The following PCDHA6 variants were observed in gnomAD, a reference collection of about 807,000 sequenced individuals.
PCDHA6 encodes the protein protocadherin alpha-6.
Under a neutral mutation model 60.3 loss-of-function variants are expected in PCDHA6, and 55 were observed. That is an observed-to-expected ratio of 0.91 (90% confidence interval 0.73 to 1.14). The LOEUF (loss-of-function observed/expected upper bound fraction) is 1.14. Ranked by LOEUF, PCDHA6 falls within the 50% of genes most tolerant of loss-of-function variation. The pLI is 0.00. For missense variants in PCDHA6, 1,327 were observed against 1,256.5 expected, an observed-to-expected ratio of 1.06 and a Z score of -0.85; for synonymous variants, 652 against 557.9, an observed-to-expected ratio of 1.17 and a Z score of -2.38.
At chr5:140,857,029 A>C in intron 1 of PCDHA6, 1 of 1,596,504 alleles carries the variant, frequency 6.3e-7, no homozygotes, top group South Asian at 1.1e-5. Flanking sequence ...AGGGAAACCC[A>C]CCTATGGTTG....
In PCDHA6 at chr5:141,010,283, C is replaced by T. The variant is rs1554262872; in HGVS notation, c.*346C>T. ...TGCTCCGGGGATCCTGTCTTGATGACACTTGCAGGGCAGGCTGAAAAGTTT... is the reference window on the plus strand; with the variant it reads ...TGCTCCGGGGATCCTGTCTTGATGATACTTGCAGGGCAGGCTGAAAAGTTT... On this transcript the variant is annotated 3_prime_UTR_variant, in exon 4 of 4. Transcript: ENST00000529310. 6.4e-7 allele frequency: 1 copy of T among 1,551,220 alleles called. No individual in the cohort carries two copies. The highest frequency in any genetic ancestry group is 1.4e-5 in the African/African-American group (1 of 73,110).
intron 1 of PCDHA6, among the ~76,000 whole-genome samples, chr5:140,878,776 T>C (rs1437840291): frequency 2.0e-5 from 3 of 152,226 alleles, no homozygotes; most frequent in Non-Finnish European, 4.4e-5. Flanking sequence ...TGGAATATAG[T>C]ATATGTTCAA....
rs2150503852 is a variant in PCDHA6 at position 140,850,955 on chromosome 5, C to T, written c.2394+20470C>T. The T allele has an allele frequency of 1.6e-5, 23 of 1,482,450 alleles. 2 individuals are homozygous for T. In the Admixed American group the frequency reaches 2.7e-4, roughly 17 times the overall value. 91.8% of individuals were successfully genotyped at this position (1,482,450 alleles called of 1,614,324 possible). A position where few individuals can be genotyped will look rare whatever the true frequency, so the allele number is the denominator to read the frequency against. On this transcript the variant is annotated intron_variant, in intron 1 of 3. Transcript: ENST00000529310. Reference sequence around the variant, plus strand: ...TTCTTGAAAGATATTATCGATTACTCCCAGGGGCCGTTCAAATAGTTTTAT... The same window carrying T: ...TTCTTGAAAGATATTATCGATTACTTCCAGGGGCCGTTCAAATAGTTTTAT...
chr5:140,886,006 G>C (rs2060811194), intron 1 of PCDHA6, among the ~76,000 whole-genome samples: 2 of 152,088 alleles, frequency 1.3e-5, no homozygotes, highest in Non-Finnish European at 2.9e-5. Context: ...AAATAGTAAA[G>C]GGAGATGCTA....
chr5:140,925,108 G>GGGAA (rs1299910272), intron 1 of PCDHA6, among the ~76,000 whole-genome samples: 1 of 124,780 alleles, frequency 8.0e-6, no homozygotes, highest in East Asian at 2.1e-4. Flanking sequence ...GAAGGAAGGA[G>GGGAA]GGAAGGAAGG....
At chr5:140,845,610 G>A (rs1779953371) in intron 1 of PCDHA6, among the ~76,000 whole-genome samples, 1 of 149,452 alleles carries the variant, frequency 6.7e-6, no homozygotes, top group Non-Finnish European at 1.5e-5. Context: ...ATTAAGTATT[G>A]TGGATTCTGA....
chr5:140,910,055 T>A (rs1554194090), intron 1 of PCDHA6, among the ~76,000 whole-genome samples: 1 of 152,218 alleles, frequency 6.6e-6, no homozygotes, highest in Non-Finnish European at 1.5e-5. Flanking sequence ...TAATAAGTGA[T>A]CTTTTAACAG....
intron 3 of PCDHA6, among the ~76,000 whole-genome samples, chr5:140,994,980 C>A (rs1311252472): frequency 4.6e-5 from 7 of 151,992 alleles, no homozygotes; most frequent in Admixed American, 1.3e-4. Flanking sequence ...CCATGGAGAC[C>A]CACTAGAAGG....
intron 1 of PCDHA6, chr5:140,876,498 C>A: frequency 6.2e-7 from 1 of 1,613,918 alleles, no homozygotes; most frequent in East Asian, 2.2e-5. Context: ...AAGTTCTGGA[C>A]GTGAATGACA....
At chr5:140,909,269 A>G (rs1554193726) in intron 1 of PCDHA6, among the ~76,000 whole-genome samples, 1 of 152,240 alleles carries the variant, frequency 6.6e-6, no homozygotes, top group Admixed American at 6.5e-5. Context: ...CTGAAGGCAA[A>G]TTGCTTCTGG....
rs532145972 is a variant in PCDHA6 at position 140,957,602 on chromosome 5, C to T, written c.2395-21347C>T. On this transcript the variant is annotated intron_variant, in intron 1 of 3. Transcript: ENST00000529310. Reference sequence around the variant, plus strand: ...TTAACAAAGCACTTCCCAGAATAAACACACAGACATATACATGCACACACT... The same window carrying T: ...TTAACAAAGCACTTCCCAGAATAAATACACAGACATATACATGCACACACT... 3.3e-5 allele frequency among the ~76,000 whole-genome samples: 5 copies of T among 152,174 alleles called. No homozygotes were observed. In the East Asian group the frequency reaches 9.6e-4, roughly 29 times the overall value.
Position 141,012,272 on chromosome 5 carries a change from C to G in PCDHA6, c.*2335C>G, listed in dbSNP as rs186406635. On this transcript the variant is annotated 3_prime_UTR_variant, in exon 4 of 4. Transcript: ENST00000529310. ...TTACAGCTGTAAGGATAAAACACGTCATGTGGATTCATTTTGAATTGGTGC... is the reference window on the plus strand; with the variant it reads ...TTACAGCTGTAAGGATAAAACACGTGATGTGGATTCATTTTGAATTGGTGC... 3.3e-4 allele frequency: 51 copies of G among 153,858 alleles called. No individual in the cohort carries two copies. In the East Asian group the frequency reaches 6.6e-3, roughly 20 times the overall value. 9.5% of individuals were successfully genotyped at this position (153,858 alleles called of 1,614,324 possible). A position where few individuals can be genotyped will look rare whatever the true frequency, so the allele number is the denominator to read the frequency against.
intron 1 of PCDHA6, chr5:140,870,906 C>T (rs201710263): frequency 1.2e-6 from 2 of 1,613,948 alleles, no homozygotes; most frequent in African/African-American, 2.7e-5. Flanking sequence ...CGGACTCAGG[C>T]TACAACGCGT....
intron 2 of PCDHA6, chr5:140,982,229 A>C (rs2096972091): frequency 3.2e-6 from 2 of 616,470 alleles, no homozygotes. Context: ...TTAATAAAAA[A>C]CAGAATTGCC....
At chr5:140,834,250 A>G in intron 1 of PCDHA6, 1 of 907,572 alleles carries the variant, frequency 1.1e-6, no homozygotes, top group Non-Finnish European at 1.7e-6. Context: ...CGCACTGGAA[A>G]GACGCTCCAC....
In PCDHA6 at chr5:140,938,797, G is replaced by T. The variant is rs76361474; in HGVS notation, c.2395-40152G>T. On this transcript the variant is annotated intron_variant, in intron 1 of 3. Coordinates refer to ENST00000529310, the MANE Select transcript of PCDHA6 (RefSeq NM_018909.4). Reference sequence around the variant, plus strand: ...TTAGTACCTGAATGATGAAATAATCGGTACCACAAACCCCTGTGACATGAG... The same window carrying T: ...TTAGTACCTGAATGATGAAATAATCTGTACCACAAACCCCTGTGACATGAG... Among the ~76,000 whole-genome samples, 827 of 152,042 alleles carry T rather than the reference G, an allele frequency of 5.4e-3. 3 individuals carry two copies. Among genetic ancestry groups the T allele is most frequent in the African/African-American group, 0.019 (796 of 41,444 alleles).
At chr5:140,946,631 T>TATATATATAC (rs57893927) in intron 1 of PCDHA6, among the ~76,000 whole-genome samples, 18,480 of 131,524 alleles carry the variant, frequency 0.14, 1,838 homozygotes, top group East Asian at 0.38. Context: ...TATATATATA[T>TATATATATAC]ACAATGGAAT....
At chr5:140,905,182 A>C (rs1283931938) in intron 1 of PCDHA6, among the ~76,000 whole-genome samples, 1 of 152,172 alleles carries the variant, frequency 6.6e-6, no homozygotes. Context: ...TTTAGATTTA[A>C]GTCTTTGATC....
At chr5:140,920,794 A>G (rs1433275588) in intron 1 of PCDHA6, among the ~76,000 whole-genome samples, 2 of 151,776 alleles carry the variant, frequency 1.3e-5, no homozygotes, top group Admixed American at 6.6e-5. Flanking sequence ...CAGGGAACCA[A>G]GATCACGCCA....
Sources: gnomAD v4.1 joint callset for allele counts (sites outside exome capture counted in the v4.1 genomes callset) on GRCh38, gnomAD v4.1.1 for gene constraint, MANE v1.5 for transcripts, NCBI Gene and HGNC (gene_info 2026-07-23, HGNC 2026-07-21) for gene names.